The following PCDH15 variants were observed in gnomAD, a reference collection of about 807,000 sequenced individuals.
PCDH15 encodes protocadherin related 15.
In PCDH15, 129 loss-of-function variants were observed where a neutral mutation model predicts 178.5. That is an observed-to-expected ratio of 0.72 (90% CI 0.63 to 0.84). The LOEUF (loss-of-function observed/expected upper bound fraction) is 0.84, where lower values mean the gene tolerates loss of function less well. Ranked by LOEUF, PCDH15 falls within the 40% of genes least tolerant of loss-of-function variation. The pLI is 0.00. For missense variants in PCDH15, 2,230 were observed against 2,099.9 expected, an observed-to-expected ratio of 1.06 and a Z score of -1.21; for synonymous variants, 800 against 732.0, an observed-to-expected ratio of 1.09 and a Z score of -1.50.
intron 2 of PCDH15, among the ~76,000 whole-genome samples, chr10:55,334,312 A>AT (rs199903169): frequency 0.011 from 1,300 of 122,628 alleles, 66 homozygotes; most frequent in East Asian, 0.034. Flanking sequence ...ATATATATAT[A>AT]TATTTTTTTT....
chr10:54,473,857 G>T (rs1458245322), intron 3 of PCDH15, among the ~76,000 whole-genome samples: 2 of 151,580 alleles, frequency 1.3e-5, no homozygotes, highest in South Asian at 2.1e-4. Context: ...ATACATGAAG[G>T]TGATTATTCC....
chr10:54,588,568 C>T (rs2091659882), intron 2 of PCDH15, among the ~76,000 whole-genome samples: 1 of 151,852 alleles, frequency 6.6e-6, no homozygotes, highest in Non-Finnish European at 1.5e-5. Context: ...ATGTGCCATA[C>T]TTTGTGTTTT....
rs141598541 is a variant in PCDH15, at chr10:55,465,106, C to T, written c.-156+162519G>A. On this transcript the variant is annotated intron_variant, in intron 2 of 5. Coordinates refer to the PCDH15 transcript ENST00000613346. ...TAAAGCTGGTGTATGAGTATTCTTC[C>T]GAACCAACAGGGTGTGTATGCACAC... Among the ~76,000 whole-genome samples the T allele has an allele frequency of 2.5e-3, 376 of 151,990 alleles. 1 individual carries two copies. Among genetic ancestry groups the T allele is most frequent in the Middle Eastern group, 6.8e-3 (2 of 294 alleles).
intron 2 of PCDH15, among the ~76,000 whole-genome samples, chr10:55,432,869 C>G (rs1184605678): frequency 2.0e-5 from 3 of 151,692 alleles, no homozygotes; most frequent in African/African-American, 7.3e-5. Flanking sequence ...CGTGATCCGC[C>G]CGCCTCGGCC....
At chr10:53,917,436 G>A (rs1033209463) in intron 25 of PCDH15, among the ~76,000 whole-genome samples, 6 of 152,042 alleles carry the variant, frequency 3.9e-5, no homozygotes, top group Admixed American at 3.9e-4. Flanking sequence ...AATAAAAAAA[G>A]ATGAATAAAT....
At chr10:55,497,419 C>T (rs970388602) in intron 2 of PCDH15, among the ~76,000 whole-genome samples, 5 of 151,618 alleles carry the variant, frequency 3.3e-5, no homozygotes, top group African/African-American at 1.2e-4. Context: ...CATCAGCCAC[C>T]GCGTCTGGCT....
chr10:55,525,980 A>T (rs563129955), intron 2 of PCDH15, among the ~76,000 whole-genome samples: 58 of 152,054 alleles, frequency 3.8e-4, no homozygotes, highest in Admixed American at 1.4e-3. Flanking sequence ...AAAATGAGTC[A>T]TTAGATTGAG....
chr10:55,388,866 C>A (rs1294462056), intron 2 of PCDH15, among the ~76,000 whole-genome samples: 1 of 151,988 alleles, frequency 6.6e-6, no homozygotes, highest in African/African-American at 2.4e-5. Flanking sequence ...TCTCCCCCAT[C>A]ATTTGGAACT....
Position 54,197,064 on chromosome 10 carries a change from G to A in PCDH15, c.1099-1175C>T, listed in dbSNP as rs1361750001. 5.3e-5 allele frequency among the ~76,000 whole-genome samples: 8 copies of A among 152,100 alleles called. No homozygotes were observed. The East Asian group carries it at 7.7e-4, about 15-fold the overall frequency. On this transcript the variant is annotated intron_variant, in intron 10 of 37. Coordinates refer to ENST00000644397, the MANE Select transcript of PCDH15 (RefSeq NM_001384140.1). ...AAGTTATATTTATTGCCCACTGACC[G>A]TCCCCAAAAGCTTCTTAAAAAGGAC...
chr10:54,303,492 T>G lies in PCDH15; in HGVS notation c.876+13779A>C, dbSNP rs542421395. 1.8e-4 allele frequency among the ~76,000 whole-genome samples: 27 copies of G among 152,212 alleles called. 1 individual carries two copies. The highest frequency in any genetic ancestry group is 6.3e-4 in the African/African-American group (26 of 41,554). On this transcript the variant is annotated intron_variant, in intron 8 of 37. Transcript: ENST00000644397. Reference sequence around the variant, plus strand: ...CAGATGTTAGTATGTGGAAATGTATTGCTATATAATAGGGACAATAATTAG... The same window carrying G: ...CAGATGTTAGTATGTGGAAATGTATGGCTATATAATAGGGACAATAATTAG...
chr10:54,840,594 A>G (rs551492660), intron 3 of PCDH15, among the ~76,000 whole-genome samples: 1 of 152,070 alleles, frequency 6.6e-6, no homozygotes, highest in South Asian at 2.1e-4. Flanking sequence ...TTACTTATTA[A>G]TATTTAAGTT....
At chr10:54,237,201 A>T (rs1483194561) in intron 8 of PCDH15, among the ~76,000 whole-genome samples, 1 of 152,166 alleles carries the variant, frequency 6.6e-6, no homozygotes, top group Non-Finnish European at 1.5e-5. Flanking sequence ...GAAGAATGAT[A>T]ATGCACTTTT....
chr10:54,733,616 T>C (rs941989961), intron 1 of PCDH15, among the ~76,000 whole-genome samples: 5 of 151,552 alleles, frequency 3.3e-5, no homozygotes, highest in African/African-American at 1.2e-4. Flanking sequence ...TAAGTTTACA[T>C]AGAAAAGGAA....
At chr10:55,335,880 A>T (rs1012224903) in intron 2 of PCDH15, among the ~76,000 whole-genome samples, 9 of 152,200 alleles carry the variant, frequency 5.9e-5, no homozygotes, top group African/African-American at 2.2e-4. Flanking sequence ...TTGTTTAAAA[A>T]GCAGACGCCT....
chr10:55,020,977 C>A (rs1410560942), intron 2 of PCDH15, among the ~76,000 whole-genome samples: 2 of 152,088 alleles, frequency 1.3e-5, no homozygotes, highest in African/African-American at 4.8e-5. Context: ...ATGACTATTG[C>A]CCCCTACCCA....
At chr10:55,131,009 C>A (rs992198238) in intron 2 of PCDH15, among the ~76,000 whole-genome samples, 1 of 151,648 alleles carries the variant, frequency 6.6e-6, no homozygotes, top group East Asian at 1.9e-4. Flanking sequence ...TGTTAATTTA[C>A]AACACAACAT....
chr10:55,521,679 A>G (rs560848552), intron 2 of PCDH15, among the ~76,000 whole-genome samples: 5 of 152,076 alleles, frequency 3.3e-5, no homozygotes, highest in Non-Finnish European at 5.9e-5. Flanking sequence ...GATATCTTGT[A>G]GAGATGCAGA....
chr10:55,024,758 C>A (rs1840432131), intron 2 of PCDH15, among the ~76,000 whole-genome samples: 1 of 152,104 alleles, frequency 6.6e-6, no homozygotes, highest in South Asian at 2.1e-4. Flanking sequence ...TCAGCTCTAC[C>A]TTTATACACT....
At chr10:54,487,099 G>A (rs1462379670) in intron 3 of PCDH15, among the ~76,000 whole-genome samples, 4 of 151,956 alleles carry the variant, frequency 2.6e-5, no homozygotes, top group Non-Finnish European at 1.5e-5. Flanking sequence ...ATAATAAATA[G>A]TTTGTATTTA....
Sources: gnomAD v4.1 joint callset for allele counts (sites outside exome capture counted in the v4.1 genomes callset) on GRCh38, gnomAD v4.1.1 for gene constraint, MANE v1.5 for transcripts, NCBI Gene and HGNC (gene_info 2026-07-23, HGNC 2026-07-21) for gene names.